Variants in PPP1R9A observed in about 807,000 individuals in gnomAD.
PPP1R9A encodes protein phosphatase 1 regulatory subunit 9A.
PPP1R9A carries 59 observed loss-of-function variants against 141.9 expected under a neutral mutation model. The ratio of observed to expected loss-of-function variants is 0.42; its 90% CI spans 0.34 to 0.52. The LOEUF (loss-of-function observed/expected upper bound fraction) is 0.52, where lower values mean the gene tolerates loss of function less well. Ranked by LOEUF, PPP1R9A falls within the 20% of genes least tolerant of loss-of-function variation. The probability of loss-of-function intolerance (pLI) is 0.10; values close to 1 mark genes in which losing one functional copy is unlikely to be tolerated. For missense variants in PPP1R9A, 1,444 were observed against 1,611.9 expected (o/e 0.90, Z 1.78); for synonymous variants, 500 against 569.7 (o/e 0.88, Z 1.74).
At chr7:95,180,040 T>C (rs1197926166) in intron 5 of PPP1R9A, among the ~76,000 whole-genome samples, 1 of 152,086 alleles carries the variant, frequency 6.6e-6, no homozygotes, top group Non-Finnish European at 1.5e-5. Context: ...AAAATTCATA[T>C]GGAACCAAAA....
Position 95,295,722 on chromosome 7 carries a change from A to T in PPP1R9A, c.*5419A>T, listed in dbSNP as rs932066329. The T allele has an allele frequency of 6.6e-6, 1 of 152,232 alleles. No individual in the cohort carries two copies. Among genetic ancestry groups the T allele is most frequent in the Non-Finnish European group, 1.5e-5 (1 of 68,036 alleles). The allele number at this position is 152,232 out of a possible 1,614,324, so 9.4% of individuals were successfully genotyped here. ...CAGGTTTTCTGTTAAGGATGTAATC[A>T]TTCATTCAAGAAAGAACAATTGGCA... is the stretch of plus-strand genomic sequence containing the variant. On this transcript the variant is annotated 3_prime_UTR_variant, in exon 20 of 20. Transcript: ENST00000433360.
chr7:95,286,060 C>T lies in PPP1R9A; in HGVS notation c.3610-146C>T, dbSNP rs967992622. The T allele has an allele frequency of 3.8e-6, 5 of 1,309,918 alleles. No individual in the cohort carries two copies. In the African/African-American group the frequency reaches 7.4e-5, roughly 19 times the overall value. 81.1% of individuals were successfully genotyped at this position (1,309,918 alleles called of 1,614,324 possible). The stretch of plus-strand genomic sequence containing the variant: ...ACCAGACAAGGTGCAGCATTCTCAA[C>T]CGCTGCCCCATTGAAGGTCATCACC... On this transcript the variant is annotated intron_variant, in intron 17 of 19. Coordinates refer to ENST00000433360, the MANE Select transcript of PPP1R9A (RefSeq NM_001166160.2).
chr7:95,098,778 C>T (rs1036164094), intron 2 of PPP1R9A, among the ~76,000 whole-genome samples: 2 of 152,106 alleles, frequency 1.3e-5, no homozygotes, highest in African/African-American at 4.8e-5. Flanking sequence ...TCCCAAGGTA[C>T]TCAAGACCTC....
intron 2 of PPP1R9A, among the ~76,000 whole-genome samples, chr7:94,998,988 CAA>C (rs1232805222): frequency 6.6e-6 from 1 of 152,310 alleles, no homozygotes; most frequent in African/African-American, 2.4e-5. Flanking sequence ...CCCCTGGGCT[CAA>C]GTGATTCTCC....
intron 2 of PPP1R9A, among the ~76,000 whole-genome samples, chr7:95,069,839 T>A (rs951110720): frequency 4.6e-5 from 7 of 152,162 alleles, no homozygotes; most frequent in African/African-American, 1.4e-4. Flanking sequence ...TACATCTTAC[T>A]GTATGTGTAT....
intron 2 of PPP1R9A, among the ~76,000 whole-genome samples, chr7:95,043,850 T>A (rs1223752526): frequency 6.6e-6 from 1 of 152,178 alleles, no homozygotes; most frequent in African/African-American, 2.4e-5. Flanking sequence ...AGTCTTAACT[T>A]TCCTCTTACT....
intron 8 of PPP1R9A, among the ~76,000 whole-genome samples, chr7:95,226,564 G>A (rs1467196325): frequency 6.6e-6 from 1 of 152,186 alleles, no homozygotes; most frequent in African/African-American, 2.4e-5. Flanking sequence ...TTTGAACAGA[G>A]TTAATAGTAC....
chr7:94,924,824 C>T (rs1793271132), intron 2 of PPP1R9A, among the ~76,000 whole-genome samples: 1 of 152,156 alleles, frequency 6.6e-6, no homozygotes, highest in Admixed American at 6.5e-5. Flanking sequence ...GCCACTGCGT[C>T]TGGCCTACCA....
intron 2 of PPP1R9A, among the ~76,000 whole-genome samples, chr7:95,052,005 A>T (rs1810882104): frequency 6.6e-6 from 1 of 151,920 alleles, no homozygotes; most frequent in Non-Finnish European, 1.5e-5. Flanking sequence ...ATGCCCAGCT[A>T]ACTTTTGTAT....
intron 2 of PPP1R9A, among the ~76,000 whole-genome samples, chr7:95,001,463 G>T (rs933567798): frequency 6.6e-6 from 1 of 152,088 alleles, no homozygotes; most frequent in African/African-American, 2.4e-5. Flanking sequence ...AAATCTTTAT[G>T]GTAAATGAGA....
In PPP1R9A at chr7:95,290,753, A is replaced by G. The variant is rs183473172; in HGVS notation, c.*450A>G. The G allele has an allele frequency of 5.0e-4, 89 of 176,976 alleles. No individual in the cohort carries two copies. Among genetic ancestry groups the G allele is most frequent in the African/African-American group, 2.0e-3 (84 of 42,214 alleles). 11.0% of individuals were successfully genotyped at this position (176,976 alleles called of 1,614,324 possible). On this transcript the variant is annotated 3_prime_UTR_variant, in exon 20 of 20. Transcript: ENST00000433360. Reference sequence around the variant, plus strand: ...GCACCCTGCCATGAGATCTGAGACCAGTACTTAACTTCTAGGACTGCAACA... The same window carrying G: ...GCACCCTGCCATGAGATCTGAGACCGGTACTTAACTTCTAGGACTGCAACA...
chr7:94,989,113 G>A (rs1318416512), intron 2 of PPP1R9A, among the ~76,000 whole-genome samples: 1 of 152,004 alleles, frequency 6.6e-6, no homozygotes, highest in African/African-American at 2.4e-5. Context: ...AATGTAGCCT[G>A]AGAATGTGCA....
chr7:94,924,548 A>C (rs1286069890), intron 2 of PPP1R9A, among the ~76,000 whole-genome samples: 3 of 152,064 alleles, frequency 2.0e-5, no homozygotes, highest in Non-Finnish European at 4.4e-5. Context: ...CATTTTTTTG[A>C]GACGGAGTCT....
At chr7:95,137,415 C>CATAAAAAAAAAAAAA (rs1825854159) in intron 4 of PPP1R9A, among the ~76,000 whole-genome samples, 1 of 91,522 alleles carries the variant, frequency 1.1e-5, no homozygotes, top group African/African-American at 4.3e-5. Flanking sequence ...GACATGAACT[C>CATAAAAAAAAAAAAA]AAAAAAAAAA....
chr7:95,070,636 G>A (rs1044361234), intron 2 of PPP1R9A, among the ~76,000 whole-genome samples: 3 of 94,964 alleles, frequency 3.2e-5, no homozygotes, highest in Admixed American at 1.0e-4. Flanking sequence ...TATATATAAG[G>A]TGTTTTTGCT....
At chr7:95,215,601 G>T (rs1346253271) in intron 7 of PPP1R9A, among the ~76,000 whole-genome samples, 2 of 152,164 alleles carry the variant, frequency 1.3e-5, no homozygotes, top group Non-Finnish European at 2.9e-5. Context: ...GTGTAAAAGT[G>T]TTCCTATTTC....
intron 2 of PPP1R9A, among the ~76,000 whole-genome samples, chr7:94,995,823 TC>T (rs1159204966): frequency 2.6e-5 from 4 of 152,166 alleles, no homozygotes; most frequent in Admixed American, 1.3e-4. Flanking sequence ...CTTTCTTGCT[TC>T]TTTACATTTC....
chr7:95,185,039 T>A (rs77184672), intron 5 of PPP1R9A, among the ~76,000 whole-genome samples: 160 of 142,964 alleles, frequency 1.1e-3, no homozygotes, highest in African/African-American at 3.3e-3. Flanking sequence ...TTTTTTTTTT[T>A]AATTTATTTA....
intron 2 of PPP1R9A, among the ~76,000 whole-genome samples, chr7:95,063,643 T>C (rs1025541329): frequency 6.6e-6 from 1 of 152,192 alleles, no homozygotes; most frequent in Non-Finnish European, 1.5e-5. Flanking sequence ...GTGTATGTGA[T>C]GAAATTTGGA....
Sources: allele counts gnomAD v4.1 joint callset (sites outside exome capture counted in the v4.1 genomes callset), GRCh38; gene constraint gnomAD v4.1.1; transcripts MANE v1.5; gene names NCBI Gene and HGNC (gene_info 2026-07-23, HGNC 2026-07-21).